The following THSD7B variants were observed in gnomAD, a reference collection of about 807,000 sequenced individuals.
THSD7B encodes thrombospondin type 1 domain containing 7B, also known as thrombospondin type-1 domain-containing protein 7B.
Under a neutral mutation model 213.6 loss-of-function variants are expected in THSD7B, and 138 were observed. The ratio of observed to expected loss-of-function variants is 0.65; its 90% CI spans 0.56 to 0.74. The LOEUF is 0.74. THSD7B is among the 30% of genes least tolerant of loss of function. The pLI is 0.00. For missense variants in THSD7B, 1,931 were observed against 1,991.5 expected (o/e 0.97, Z 0.58); for synonymous variants, 742 against 687.0 (o/e 1.08, Z -1.25).
chr2:136,893,589 C>G (rs541288490), intron 2 of THSD7B, among the ~76,000 whole-genome samples: 2 of 152,062 alleles, frequency 1.3e-5, no homozygotes, highest in Non-Finnish European at 2.9e-5. Flanking sequence ...AACAAAGGAA[C>G]CTTAAAAGCT....
Position 137,231,158 on chromosome 2 carries a change from G to T in THSD7B, c.1838G>T (p.Cys613Phe). Reference sequence around the variant, plus strand: ...AGCGAGTGGACGGAGTGGTCATCCTGTTCCCAGTCCTGTTCAAATAAAAAC... The same window carrying T: ...AGCGAGTGGACGGAGTGGTCATCCTTTTCCCAGTCCTGTTCAAATAAAAAC... ...VLSEWTEWSS[C>F]SQSCSNKNSD... The change falls in exon 8 of 28, where the codon TGT (cysteine) becomes TTT (phenylalanine). Residue 613 changes from cysteine (C) to phenylalanine (F), a missense_variant. Transcript: ENST00000409968. The T allele has an allele frequency of 1.9e-6, 3 of 1,613,698 alleles. No individual in the cohort carries two copies. The highest frequency in any genetic ancestry group is 2.5e-6 in the Non-Finnish European group (3 of 1,179,774).
Position 137,368,034 on chromosome 2 carries a change from A to T in THSD7B, c.2501-37579A>T, listed in dbSNP as rs549157345. Among the ~76,000 whole-genome samples, 22 of 63,242 alleles carry T rather than the reference A, an allele frequency of 3.5e-4. No homozygotes were observed. In the East Asian group the frequency reaches 0.012, roughly 34 times the overall value. The allele number at this position is 63,242 out of a possible 152,430, so 41.5% of individuals were successfully genotyped here. A position where few individuals can be genotyped will look rare whatever the true frequency, so the allele number is the denominator to read the frequency against. The stretch of plus-strand genomic sequence containing the variant: ...CTTTCTGAAAATGTCAGAAAGCATG[A>T]GTTTTGTAGTTCAAGACTAAAGGAC... On this transcript the variant is annotated intron_variant, in intron 12 of 27. Coordinates refer to ENST00000409968, the MANE Select transcript of THSD7B (RefSeq NM_001316349.2).
intron 11 of THSD7B, among the ~76,000 whole-genome samples, chr2:137,275,526 T>C (rs1446196664): frequency 1.3e-5 from 2 of 151,770 alleles, no homozygotes; most frequent in African/African-American, 4.8e-5. Flanking sequence ...CTCTCTCTTG[T>C]TTTCTTGTAT....
chr2:137,558,383 T>A (rs1232718048), intron 15 of THSD7B, among the ~76,000 whole-genome samples: 1 of 152,182 alleles, frequency 6.6e-6, no homozygotes, highest in Non-Finnish European at 1.5e-5. Context: ...TTGGGCTTCA[T>A]CCCTGGGATG....
intron 2 of THSD7B, among the ~76,000 whole-genome samples, chr2:136,981,304 G>A (rs574806338): frequency 1.1e-4 from 16 of 152,224 alleles, no homozygotes; most frequent in East Asian, 1.9e-4. Flanking sequence ...CCAGTACAGT[G>A]TGCTGAGATG....
chr2:137,571,913 T>C (rs1257342999), intron 16 of THSD7B, among the ~76,000 whole-genome samples: 2 of 152,154 alleles, frequency 1.3e-5, no homozygotes, highest in African/African-American at 2.4e-5. Flanking sequence ...GCCATGACTT[T>C]AAAAATGGGT....
chr2:137,565,979 C>A (rs930102062), intron 16 of THSD7B, among the ~76,000 whole-genome samples: 1 of 152,134 alleles, frequency 6.6e-6, no homozygotes, highest in African/African-American at 2.4e-5. Flanking sequence ...CACAATGCAC[C>A]ATGCTGTATG....
At chr2:137,208,224 G>A (rs1378960523) in intron 7 of THSD7B, among the ~76,000 whole-genome samples, 1 of 152,018 alleles carries the variant, frequency 6.6e-6, no homozygotes, top group African/African-American at 2.4e-5. Flanking sequence ...TAAGGTCTGA[G>A]TCCTGAAGAC....
chr2:137,096,267 A>G (rs972282852), intron 4 of THSD7B, among the ~76,000 whole-genome samples: 2 of 152,190 alleles, frequency 1.3e-5, no homozygotes, highest in African/African-American at 2.4e-5. Flanking sequence ...GCAGCCAAAA[A>G]TAAAGTAAGA....
chr2:137,272,323 C>A (rs781587675), intron 10 of THSD7B, among the ~76,000 whole-genome samples: 1 of 152,154 alleles, frequency 6.6e-6, no homozygotes, highest in South Asian at 2.1e-4. Context: ...TAATTATATT[C>A]GAAATCACCA....
intron 12 of THSD7B, among the ~76,000 whole-genome samples, chr2:137,297,831 A>G (rs889461145): frequency 6.6e-6 from 1 of 152,118 alleles, no homozygotes; most frequent in Non-Finnish European, 1.5e-5. Flanking sequence ...TTCTGCCATA[A>G]TTGTGAGACC....
chr2:137,382,950 G>T (rs1685809493), intron 12 of THSD7B, among the ~76,000 whole-genome samples: 1 of 152,190 alleles, frequency 6.6e-6, no homozygotes, highest in South Asian at 2.1e-4. Context: ...GACACCATAT[G>T]GTTTGATAGC....
chr2:137,104,176 A>G lies in THSD7B; in HGVS notation c.1199+9055A>G, dbSNP rs527347682. On this transcript the variant is annotated intron_variant, in intron 4 of 27. Coordinates refer to ENST00000409968, the MANE Select transcript of THSD7B (RefSeq NM_001316349.2). ...ATGTAAAAGAACAGAAATAATAACA[A>G]ACAGTCTCTCAGACCACAGTGCAAT... Among the ~76,000 whole-genome samples the G allele has an allele frequency of 9.8e-4, 150 of 152,314 alleles. 2 individuals are homozygous for G. Among genetic ancestry groups the G allele is most frequent in the Non-Finnish European group, 1.8e-3 (122 of 68,008 alleles).
chr2:137,352,371 G>C (rs191637651), intron 12 of THSD7B, among the ~76,000 whole-genome samples: 1 of 152,084 alleles, frequency 6.6e-6, no homozygotes. Flanking sequence ...CACATGCCAA[G>C]TTGTGTCTCC....
chr2:137,350,713 A>T (rs1414922655), intron 12 of THSD7B, among the ~76,000 whole-genome samples: 1 of 151,812 alleles, frequency 6.6e-6, no homozygotes, highest in East Asian at 1.9e-4. Context: ...GGCAATTTTG[A>T]TAAACCGGAG....
At chr2:137,581,030 C>T (rs1033190729) in intron 17 of THSD7B, among the ~76,000 whole-genome samples, 31 of 152,112 alleles carry the variant, frequency 2.0e-4, no homozygotes, top group African/African-American at 7.2e-4. Flanking sequence ...TATCAACTGG[C>T]TTTAATCAGG....
In THSD7B at chr2:137,528,003, C is replaced by T. The variant is rs562859675; in HGVS notation, c.3139-35218C>T. 9.2e-5 allele frequency among the ~76,000 whole-genome samples: 14 copies of T among 152,212 alleles called. No individual in the cohort carries two copies. In the East Asian group the frequency reaches 2.7e-3, roughly 29 times the overall value. On this transcript the variant is annotated intron_variant, in intron 15 of 27. Transcript: ENST00000409968. ...AGCCGTAAGAATCAATAAATTCCCC[C>T]TTTGCTTCAATCAGCTGGGCTTGAG...
At chr2:137,674,582 G>A (rs1683653426) in intron 27 of THSD7B, among the ~76,000 whole-genome samples, 1 of 152,160 alleles carries the variant, frequency 6.6e-6, no homozygotes. Flanking sequence ...AGAGTCACTG[G>A]AACATACTTA....
chr2:137,663,730 T>G (rs1022994164), intron 26 of THSD7B, among the ~76,000 whole-genome samples, 155 bp downstream of exon 26: 1 of 152,216 alleles, frequency 6.6e-6, no homozygotes, highest in African/African-American at 2.4e-5. Context: ...ATTTGAATAT[T>G]ACATGATATA....
Sources: allele counts gnomAD v4.1 joint callset (sites outside exome capture counted in the v4.1 genomes callset), GRCh38; gene constraint gnomAD v4.1.1; transcripts MANE v1.5; gene names NCBI Gene and HGNC (gene_info 2026-07-23, HGNC 2026-07-21).